ADCY7: variants seen among roughly 807,000 people sequenced by gnomAD.
The protein encoded by ADCY7 is adenylate cyclase type 7.
In ADCY7, 72 loss-of-function variants were observed where a neutral mutation model predicts 120.6. The ratio of observed to expected loss-of-function variants is 0.60; its 90% CI spans 0.49 to 0.73. ADCY7 has a LOEUF of 0.73. ADCY7 is among the 30% of genes least tolerant of loss of function. ADCY7 has a pLI of 0.00. For missense variants in ADCY7, 1,227 were observed against 1,486.0 expected, an observed-to-expected ratio of 0.83 and a Z score of 2.87; for synonymous variants, 661 against 628.0, an observed-to-expected ratio of 1.05 and a Z score of -0.78.
intron 1 of ADCY7, among the ~76,000 whole-genome samples, chr16:50,285,756 C>T (rs910245150): frequency 6.6e-6 from 1 of 152,206 alleles, no homozygotes; most frequent in Non-Finnish European, 1.5e-5. Context: ...GCAGCTGTCC[C>T]CAAGTCCCCA....
At chr16:50,298,766 CCTGGTG>C in intron 7 of ADCY7, 132 bp from the exon 8 acceptor site, 1 of 1,255,924 alleles carries the variant, frequency 8.0e-7, no homozygotes, top group African/African-American at 1.5e-5. Flanking sequence ...AGAAGTGGCT[CCTGGTG>C]ACTGGACCCC....
chr16:50,294,431 C>T (rs554234224), intron 6 of ADCY7, among the ~76,000 whole-genome samples: 64 of 152,308 alleles, frequency 4.2e-4, no homozygotes, highest in African/African-American at 1.5e-3. Context: ...AATTTTGCTC[C>T]CTTCTGCTTT....
chr16:50,286,757 A>G (rs2034608733), intron 1 of ADCY7, among the ~76,000 whole-genome samples: 1 of 152,212 alleles, frequency 6.6e-6, no homozygotes, highest in Non-Finnish European at 1.5e-5. Context: ...AGGTGGCTCC[A>G]CTGAAATTCA....
intron 5 of ADCY7, 106 bp downstream of exon 5, chr16:50,292,931 C>A: frequency 1.4e-6 from 2 of 1,434,816 alleles, no homozygotes; most frequent in Non-Finnish European, 1.9e-6. Context: ...CATGGCCAGA[C>A]ACCCATGCAG....
chr16:50,282,661 C>T (rs565147106), intron 1 of ADCY7, among the ~76,000 whole-genome samples: 5 of 151,874 alleles, frequency 3.3e-5, no homozygotes, highest in Admixed American at 3.3e-4. Flanking sequence ...TTTCTGGATG[C>T]CAGCCCCATG....
chr16:50,251,245 A>C (rs1006903540), intron 1 of ADCY7, among the ~76,000 whole-genome samples: 2 of 152,192 alleles, frequency 1.3e-5, no homozygotes, highest in African/African-American at 4.8e-5. Context: ...GATTTAAAAA[A>C]AAAAAGAAAG....
chr16:50,262,654 C>G (rs939332333), upstream of ADCY7, among the ~76,000 whole-genome samples: 2 of 152,144 alleles, frequency 1.3e-5, no homozygotes, highest in Admixed American at 1.3e-4. Context: ...TTATGCCATG[C>G]CTTTGATGGG....
chr16:50,282,771 A>G (rs2034355618), intron 1 of ADCY7, among the ~76,000 whole-genome samples: 1 of 150,742 alleles, frequency 6.6e-6, no homozygotes, highest in South Asian at 2.1e-4. Flanking sequence ...CAGTGGCATG[A>G]TCATAGTTCA....
chr16:50,253,415 C>A (rs553605914), intron 1 of ADCY7, among the ~76,000 whole-genome samples: 6 of 152,254 alleles, frequency 3.9e-5, no homozygotes, highest in Non-Finnish European at 8.8e-5. Context: ...CCATGCCCGA[C>A]TAATTTTTGT....
At chr16:50,281,065 A>C (rs1035222909) in intron 1 of ADCY7, among the ~76,000 whole-genome samples, 1 of 151,444 alleles carries the variant, frequency 6.6e-6, no homozygotes, top group African/African-American at 2.4e-5. Context: ...GGCTGTTAGG[A>C]GATGCGGTGG....
chr16:50,277,771 C>T (rs912494183), intron 1 of ADCY7, among the ~76,000 whole-genome samples: 4 of 150,448 alleles, frequency 2.7e-5, no homozygotes, highest in East Asian at 2.0e-4. Flanking sequence ...CCCAGTTTCA[C>T]GCCATTATCC....
chr16:50,247,631 C>G (rs1443895985), intron 1 of ADCY7, among the ~76,000 whole-genome samples: 11 of 150,536 alleles, frequency 7.3e-5, no homozygotes, highest in African/African-American at 2.5e-4. Context: ...CCTCCTGCGT[C>G]AGCCTCCCAA....
At chr16:50,283,128 G>A (rs11645133) in intron 1 of ADCY7, among the ~76,000 whole-genome samples, 8,217 of 152,244 alleles carry the variant, frequency 0.054, 305 homozygotes, top group Non-Finnish European at 0.083. Context: ...GAGGGGCCAC[G>A]GGTGCTTGTT....
intron 1 of ADCY7, among the ~76,000 whole-genome samples, chr16:50,276,123 A>G (rs941208388): frequency 3.3e-5 from 5 of 152,208 alleles, no homozygotes; most frequent in African/African-American, 9.7e-5. Flanking sequence ...GCTCAGACCA[A>G]TATCACCACC....
intron 1 of ADCY7, among the ~76,000 whole-genome samples, chr16:50,274,539 G>A (rs1299699890): frequency 6.6e-6 from 1 of 152,116 alleles, no homozygotes; most frequent in Non-Finnish European, 1.5e-5. Context: ...TGTGTCTCTC[G>A]TGCCCCCTAG....
At chr16:50,315,220 G>GTCT (rs1555526958) in intron 25 of ADCY7, 82 bp downstream of exon 25, 2 of 1,581,494 alleles carry the variant, frequency 1.3e-6, no homozygotes, top group African/African-American at 1.3e-5. Flanking sequence ...AAGAGCTGCT[G>GTCT]TCTCACCCAG....
intron 1 of ADCY7, among the ~76,000 whole-genome samples, chr16:50,256,945 T>C (rs576768759): frequency 6.6e-6 from 1 of 152,208 alleles, no homozygotes; most frequent in South Asian, 2.1e-4. Flanking sequence ...ATGAAGAAAA[T>C]GTGACATATA....
chr16:50,308,010 A>AC (rs903812720), intron 15 of ADCY7, among the ~76,000 whole-genome samples: 7 of 152,006 alleles, frequency 4.6e-5, no homozygotes, highest in Admixed American at 1.3e-4. Flanking sequence ...AAAAAAAAAA[A>AC]AAAAAACGAA....
chr16:50,248,796 G>A (rs1192235437), intron 1 of ADCY7, among the ~76,000 whole-genome samples: 2 of 152,198 alleles, frequency 1.3e-5, no homozygotes, highest in East Asian at 3.8e-4. Context: ...GAATTTGACA[G>A]GATATCACGT....
Sources: allele counts gnomAD v4.1 joint callset (sites outside exome capture counted in the v4.1 genomes callset), GRCh38; gene constraint gnomAD v4.1.1; transcripts MANE v1.5; gene names NCBI Gene and HGNC (gene_info 2026-07-23, HGNC 2026-07-21).